CACNA2D3: variants seen among roughly 807,000 people sequenced by gnomAD.
The protein encoded by CACNA2D3 is calcium voltage-gated channel auxiliary subunit alpha2delta 3.
CACNA2D3 carries 60 observed loss-of-function variants against 160.6 expected under a neutral mutation model. The ratio of observed to expected loss-of-function variants is 0.37; its 90% CI spans 0.30 to 0.46. CACNA2D3 has a LOEUF of 0.46. Ranked by LOEUF, CACNA2D3 falls within the 20% of genes least tolerant of loss-of-function variation. The probability of loss-of-function intolerance (pLI) is 1.00; values close to 1 mark genes in which losing one functional copy is unlikely to be tolerated. For synonymous variants in CACNA2D3, 558 were observed against 492.9 expected (o/e 1.13, Z -1.75); for missense variants, 1,205 against 1,365.0 (o/e 0.88, Z 1.85).
rs574267265 is a variant in CACNA2D3 at position 55,035,540 on chromosome 3, C to A, written c.2987+17223C>A. ...GTTCTCTGAGCAGGCCCATGTGTTCCAGAATGCGTATTTCAGTTCACAGTA... is the reference window on the plus strand; with the variant it reads ...GTTCTCTGAGCAGGCCCATGTGTTCAAGAATGCGTATTTCAGTTCACAGTA... On this transcript the variant is annotated intron_variant, in intron 35 of 37. Transcript: ENST00000474759. Among the ~76,000 whole-genome samples, 10 of 152,288 alleles carry A rather than the reference C, an allele frequency of 6.6e-5. No individual in the cohort carries two copies. In the South Asian group the frequency reaches 2.1e-3, roughly 32 times the overall value.
chr3:55,026,050 C>T (rs1575441334), intron 35 of CACNA2D3, among the ~76,000 whole-genome samples: 1 of 151,966 alleles, frequency 6.6e-6, no homozygotes, highest in Non-Finnish European at 1.5e-5. Context: ...TCCTGCATAA[C>T]CAGCACCCTG....
At chr3:54,684,626 T>G (rs547474875) in intron 11 of CACNA2D3, among the ~76,000 whole-genome samples, 29 of 152,322 alleles carry the variant, frequency 1.9e-4, no homozygotes, top group African/African-American at 6.5e-4. Flanking sequence ...CATTTCCCCT[T>G]GGTGCAGTTT....
intron 9 of CACNA2D3, among the ~76,000 whole-genome samples, chr3:54,591,827 G>A (rs746103154): frequency 1.5e-4 from 22 of 148,240 alleles, no homozygotes; most frequent in South Asian, 4.3e-4. Flanking sequence ...TGTAGAACTC[G>A]CGGTGTGATC....
chr3:54,852,610 T>A (rs566596280), intron 17 of CACNA2D3, among the ~76,000 whole-genome samples: 105 of 152,318 alleles, frequency 6.9e-4, no homozygotes, highest in Non-Finnish European at 1.1e-3. Context: ...CAAACATGGA[T>A]TCTGCTTCTT....
intron 2 of CACNA2D3, among the ~76,000 whole-genome samples, chr3:54,283,290 C>T (rs2107465573): frequency 6.6e-6 from 1 of 152,298 alleles, no homozygotes. Flanking sequence ...GGGGTAAAAT[C>T]CCTGCCCTCT....
chr3:54,283,149 T>C (rs904497979), intron 2 of CACNA2D3, among the ~76,000 whole-genome samples: 5 of 152,214 alleles, frequency 3.3e-5, no homozygotes, highest in African/African-American at 1.2e-4. Flanking sequence ...TGCAGAATTT[T>C]AGTGAGAAGT....
intron 11 of CACNA2D3, among the ~76,000 whole-genome samples, chr3:54,693,133 A>G (rs1425450970): frequency 6.6e-6 from 1 of 152,246 alleles, no homozygotes; most frequent in East Asian, 1.9e-4. Context: ...TAAGAAAACC[A>G]AAACAGAACA....
At chr3:54,631,974 C>T (rs1388570421) in intron 10 of CACNA2D3, 2 of 152,218 alleles carry the variant, frequency 1.3e-5, no homozygotes, top group African/African-American at 4.8e-5. Context: ...TGTCAGGATG[C>T]ATTGAAAATT....
At chr3:54,186,439 G>A (rs1700880327) in intron 2 of CACNA2D3, among the ~76,000 whole-genome samples, 1 of 152,146 alleles carries the variant, frequency 6.6e-6, no homozygotes. Context: ...GGTAAATTAT[G>A]CATGTAAAAC....
intron 31 of CACNA2D3, among the ~76,000 whole-genome samples, chr3:54,999,472 A>C (rs1427916144): frequency 6.6e-6 from 1 of 152,222 alleles, no homozygotes. Flanking sequence ...TTTGCTTCTC[A>C]GACTTTTCAA....
chr3:54,386,893 G>A (rs1453921982), intron 4 of CACNA2D3, 119 bp downstream of exon 4: 45 of 888,284 alleles, frequency 5.1e-5, no homozygotes, highest in South Asian at 2.8e-4. Flanking sequence ...TTGAGAGGAT[G>A]GTACTGAGTT....
At chr3:54,285,808 C>G (rs774914626) in intron 2 of CACNA2D3, among the ~76,000 whole-genome samples, 3 of 152,228 alleles carry the variant, frequency 2.0e-5, no homozygotes, top group Non-Finnish European at 2.9e-5. Context: ...TGCTGATACC[C>G]TGGCAAACAG....
intron 35 of CACNA2D3, among the ~76,000 whole-genome samples, chr3:55,072,900 A>ATGAC (rs1218654319): frequency 6.6e-6 from 1 of 152,188 alleles, no homozygotes; most frequent in African/African-American, 2.4e-5. Flanking sequence ...GACCTCATAA[A>ATGAC]TGACTAGCAT....
At chr3:54,701,561 C>T (rs1481201791) in intron 11 of CACNA2D3, among the ~76,000 whole-genome samples, 6 of 152,040 alleles carry the variant, frequency 3.9e-5, no homozygotes, top group East Asian at 1.9e-4. Context: ...CTCTACAACA[C>T]GAATTACAAA....
At chr3:54,921,542 G>A (rs574471814) in intron 27 of CACNA2D3, among the ~76,000 whole-genome samples, 4 of 152,250 alleles carry the variant, frequency 2.6e-5, no homozygotes, top group Admixed American at 1.3e-4. Flanking sequence ...AGGCCAGCAG[G>A]AAGACTAAAT....
intron 5 of CACNA2D3, among the ~76,000 whole-genome samples, chr3:54,522,947 TAC>T: frequency 6.6e-6 from 1 of 151,782 alleles, no homozygotes; most frequent in African/African-American, 2.4e-5. Flanking sequence ...CTTACTTACT[TAC>T]TTACTTACTT....
At chr3:54,855,965 A>G (rs1559605988) in intron 17 of CACNA2D3, among the ~76,000 whole-genome samples, 1 of 151,988 alleles carries the variant, frequency 6.6e-6, no homozygotes, top group Non-Finnish European at 1.5e-5. Flanking sequence ...CCCTTCCCCC[A>G]CAGAGGGGTC....
intron 2 of CACNA2D3, among the ~76,000 whole-genome samples, chr3:54,204,796 GAAAAAAAAAAAAAA>G (rs57129457): frequency 2.7e-5 from 2 of 74,058 alleles, no homozygotes; most frequent in Non-Finnish European, 5.9e-5. Flanking sequence ...ATGCTGTCTT[GAAAAAAAAAAAAAA>G]AAAAAAAAAA....
chr3:54,162,069 C>T (rs1450334168), intron 2 of CACNA2D3, among the ~76,000 whole-genome samples: 1 of 152,170 alleles, frequency 6.6e-6, no homozygotes, highest in African/African-American at 2.4e-5. Flanking sequence ...TGGAATTTAG[C>T]CTCGGTCTGA....
Sources: allele counts gnomAD v4.1 joint callset (sites outside exome capture counted in the v4.1 genomes callset), GRCh38; gene constraint gnomAD v4.1.1; transcripts MANE v1.5; gene names NCBI Gene and HGNC (gene_info 2026-07-23, HGNC 2026-07-21).